The following LRMDA variants were observed in gnomAD, a reference collection of about 807,000 sequenced individuals.
The protein encoded by LRMDA is leucine rich melanocyte differentiation associated, also known as leucine-rich melanocyte differentiation-associated protein.
Under a neutral mutation model 29.8 loss-of-function variants are expected in LRMDA, and 18 were observed. That is an observed-to-expected ratio of 0.60 (90% confidence interval 0.42 to 0.90). The LOEUF (loss-of-function observed/expected upper bound fraction) is 0.90, where lower values mean the gene tolerates loss of function less well. Among genes scored for constraint, LRMDA ranks in the 40% least tolerant of loss-of-function variants. The pLI is 0.00. For synonymous variants in LRMDA, 125 were observed against 109.4 expected, an observed-to-expected ratio of 1.14 and a Z score of -0.89; for missense variants, 273 against 273.9, an observed-to-expected ratio of 1.00 and a Z score of 0.02.
At chr10:75,565,081 A>C (rs1252713843) in intron 2 of LRMDA, among the ~76,000 whole-genome samples, 1 of 152,166 alleles carries the variant, frequency 6.6e-6, no homozygotes, top group Non-Finnish European at 1.5e-5. Context: ...CAAGGAATGG[A>C]AATAGTCCAC....
chr10:75,561,477 A>G (rs192379056), intron 2 of LRMDA, among the ~76,000 whole-genome samples: 1,971 of 151,960 alleles, frequency 0.013, 60 homozygotes, highest in African/African-American at 0.045. Context: ...CTTTCAAAAA[A>G]CCAGCTCCTG....
chr10:75,947,479 C>T (rs59319800), intron 2 of LRMDA, among the ~76,000 whole-genome samples: 2,771 of 152,198 alleles, frequency 0.018, 69 homozygotes, highest in East Asian at 0.07. Context: ...AGGCAGGTGC[C>T]CAGAGTGCGA....
At chr10:75,818,357 G>A (rs1475720057) in intron 2 of LRMDA, among the ~76,000 whole-genome samples, 1 of 152,158 alleles carries the variant, frequency 6.6e-6, no homozygotes, top group Non-Finnish European at 1.5e-5. Context: ...CATATGTCAA[G>A]TATCTGTTAT....
At chr10:75,983,730 C>T (rs951465262) in intron 2 of LRMDA, among the ~76,000 whole-genome samples, 1 of 152,208 alleles carries the variant, frequency 6.6e-6, no homozygotes, top group Non-Finnish European at 1.5e-5. Flanking sequence ...TCTTGGCTAA[C>T]TGCAACCTCT....
chr10:75,607,630 G>C (rs1255619869), intron 2 of LRMDA, among the ~76,000 whole-genome samples: 1 of 152,052 alleles, frequency 6.6e-6, no homozygotes, highest in African/African-American at 2.4e-5. Flanking sequence ...CATTACAGAT[G>C]AGCATCTTTT....
intron 2 of LRMDA, among the ~76,000 whole-genome samples, chr10:75,542,101 C>T (rs1438885803): frequency 6.6e-6 from 1 of 152,160 alleles, no homozygotes; most frequent in Admixed American, 6.5e-5. Flanking sequence ...GGTGGAGGGT[C>T]ACCAGTGTAT....
At chr10:76,531,919 C>T (rs1843238309) in intron 6 of LRMDA, among the ~76,000 whole-genome samples, 1 of 152,142 alleles carries the variant, frequency 6.6e-6, no homozygotes, top group South Asian at 2.1e-4. Flanking sequence ...GAGTTATCTT[C>T]ATGGGCCAAT....
At chr10:75,791,476 C>T (rs759547709) in intron 2 of LRMDA, among the ~76,000 whole-genome samples, 23 of 152,204 alleles carry the variant, frequency 1.5e-4, no homozygotes, top group Admixed American at 3.3e-4. Context: ...GGAAAAATTA[C>T]AAGCACAATG....
chr10:75,760,446 C>T (rs547500771), intron 2 of LRMDA, among the ~76,000 whole-genome samples: 40 of 152,108 alleles, frequency 2.6e-4, no homozygotes, highest in African/African-American at 8.2e-4. Context: ...GGATTTTGGT[C>T]GTGTGCATTT....
At chr10:76,249,076 G>C (rs1443959434) in intron 5 of LRMDA, among the ~76,000 whole-genome samples, 3 of 152,128 alleles carry the variant, frequency 2.0e-5, no homozygotes, top group African/African-American at 7.2e-5. Flanking sequence ...CTCATATCCT[G>C]TTTGCTATTT....
At chr10:76,254,300 T>TATACTATACCTTACC (rs66939986) in intron 5 of LRMDA, among the ~76,000 whole-genome samples, 1 of 90,540 alleles carries the variant, frequency 1.1e-5, no homozygotes, top group African/African-American at 4.0e-5. Flanking sequence ...TATACTATAC[T>TATACTATACCTTACC]ATACCATACC....
chr10:76,192,654 G>T (rs1336850797), intron 5 of LRMDA, among the ~76,000 whole-genome samples: 1 of 152,196 alleles, frequency 6.6e-6, no homozygotes, highest in Non-Finnish European at 1.5e-5. Flanking sequence ...GATTTAAGCA[G>T]CAACATAAGA....
chr10:75,740,244 A>G (rs1842813302), intron 2 of LRMDA, among the ~76,000 whole-genome samples: 1 of 152,212 alleles, frequency 6.6e-6, no homozygotes, highest in Non-Finnish European at 1.5e-5. Context: ...CGATGTTCAG[A>G]CAAATGCTGA....
At chr10:75,556,776 T>C (rs982806551) in intron 2 of LRMDA, among the ~76,000 whole-genome samples, 6 of 150,102 alleles carry the variant, frequency 4.0e-5, no homozygotes, top group African/African-American at 1.5e-4. Context: ...TGTCATTTTA[T>C]GTGAAGTGGT....
intron 2 of LRMDA, among the ~76,000 whole-genome samples, chr10:76,001,576 T>C (rs1228862780): frequency 1.3e-5 from 2 of 152,180 alleles, no homozygotes; most frequent in Non-Finnish European, 2.9e-5. Flanking sequence ...CTGATGAATA[T>C]AATGTTTCTT....
chr10:75,608,375 AG>A (rs1459660865), intron 2 of LRMDA, among the ~76,000 whole-genome samples: 2 of 151,980 alleles, frequency 1.3e-5, no homozygotes, highest in Non-Finnish European at 2.9e-5. Context: ...ACAAAGTTTC[AG>A]TTATGTAGGA....
intron 6 of LRMDA, among the ~76,000 whole-genome samples, chr10:76,326,642 A>G (rs1171633831): frequency 6.6e-6 from 1 of 152,140 alleles, no homozygotes; most frequent in Non-Finnish European, 1.5e-5. Flanking sequence ...CACACCAACA[A>G]CTACAAAAAC....
chr10:75,949,956 T>C (rs1846545047), intron 2 of LRMDA, among the ~76,000 whole-genome samples: 1 of 152,218 alleles, frequency 6.6e-6, no homozygotes, highest in African/African-American at 2.4e-5. Flanking sequence ...ACAGGAATAC[T>C]CTTTCTGAAG....
intron 2 of LRMDA, among the ~76,000 whole-genome samples, chr10:75,748,921 A>G (rs998862724): frequency 1.3e-5 from 2 of 152,204 alleles, no homozygotes; most frequent in Non-Finnish European, 2.9e-5. Flanking sequence ...GTGTATCTAT[A>G]CACACATACA....
Sources: allele counts gnomAD v4.1 joint callset (sites outside exome capture counted in the v4.1 genomes callset), GRCh38; gene constraint gnomAD v4.1.1; transcripts MANE v1.5; gene names NCBI Gene and HGNC (gene_info 2026-07-23, HGNC 2026-07-21).